The following TRPS1 variants were observed in gnomAD, a reference collection of about 807,000 sequenced individuals.
The protein encoded by TRPS1 is zinc finger transcription factor Trps1.
In TRPS1, 6 loss-of-function variants were observed where a neutral mutation model predicts 101.2. The ratio of observed to expected loss-of-function variants is 0.06; its 90% confidence interval spans 0.03 to 0.12. The LOEUF is 0.12. Among genes scored for constraint, TRPS1 ranks in the 10% least tolerant of loss-of-function variants. The pLI is 1.00. For missense variants in TRPS1, 1,363 were observed against 1,567.0 expected, an observed-to-expected ratio of 0.87 and a Z score of 2.20; for synonymous variants, 578 against 589.8, an observed-to-expected ratio of 0.98 and a Z score of 0.29.
rs1056776256 is a variant in TRPS1 at position 115,541,375 on chromosome 8, C to A, written c.2700+45626G>T. ...TCAATACACATTAATGCTTTCACCA[C>A]GAACGATAAAGAACAGGAAACTATA... On this transcript the variant is annotated intron_variant, in intron 5 of 6. Coordinates refer to ENST00000395715, the MANE Select transcript of TRPS1 (RefSeq NM_014112.5). 2.0e-5 allele frequency among the ~76,000 whole-genome samples: 3 copies of A among 152,270 alleles called. No individual in the cohort carries two copies. The East Asian group carries it at 5.8e-4, about 29-fold the overall frequency.
chr8:115,592,951 T>C (rs920476233), intron 4 of TRPS1, among the ~76,000 whole-genome samples: 8 of 152,168 alleles, frequency 5.3e-5, no homozygotes, highest in Non-Finnish European at 1.0e-4. Flanking sequence ...AATATACCTG[T>C]ATATATTCAG....
At chr8:115,500,825 G>A (rs1035689385) in intron 5 of TRPS1, among the ~76,000 whole-genome samples, 2 of 151,966 alleles carry the variant, frequency 1.3e-5, no homozygotes, top group Non-Finnish European at 2.9e-5. Flanking sequence ...TGCCCGCCTC[G>A]GCCTCCCAAA....
chr8:115,600,811 T>G (rs1817890625), intron 4 of TRPS1, among the ~76,000 whole-genome samples: 1 of 152,040 alleles, frequency 6.6e-6, no homozygotes, highest in Non-Finnish European at 1.5e-5. Context: ...ATAAGAAAAG[T>G]AGCAGTTAAT....
At position 115,418,494 on chromosome 8, in the gene TRPS1, T is replaced by G. The variant is rs745313582; in HGVS notation, c.2701-42A>C. The G allele has an allele frequency of 1.9e-6, 3 of 1,613,944 alleles. No individual in the cohort carries two copies. Among genetic ancestry groups the G allele is most frequent in the Admixed American group, 1.7e-5 (1 of 60,028 alleles). On this transcript the variant is annotated intron_variant, in intron 5 of 6. Coordinates refer to ENST00000395715, the MANE Select transcript of TRPS1 (RefSeq NM_014112.5). This position sits in a 1 kb window ranked among gnomAD's most constrained non-coding sequence, Gnocchi z 4.3. ...AAACCAAGGTCAGAGGTGAGTCACA[T>G]GATCAGTGGAGTTAGACCAAATCAA...
chr8:115,540,683 A>C (rs10092901), intron 5 of TRPS1, among the ~76,000 whole-genome samples: 40,276 of 151,596 alleles, frequency 0.27, 6,239 homozygotes, highest in Middle Eastern at 0.47. Flanking sequence ...CAGGAATTAT[A>C]TGTCAAAACA....
At chr8:115,544,872 A>C (rs962674180) in intron 5 of TRPS1, among the ~76,000 whole-genome samples, 1 of 107,856 alleles carries the variant, frequency 9.3e-6, no homozygotes, top group Non-Finnish European at 1.8e-5. Context: ...AAGAAGGTGG[A>C]GGGAAAGGAC....
intron 1 of TRPS1, 27 bp from the exon 2 acceptor site, chr8:115,623,785 T>A: frequency 7.0e-7 from 1 of 1,433,496 alleles, no homozygotes. Context: ...AAGAAAAATT[T>A]TCCTTCCTAA....
At chr8:115,478,766 T>G (rs1814673358) in intron 5 of TRPS1, among the ~76,000 whole-genome samples, 1 of 151,150 alleles carries the variant, frequency 6.6e-6, no homozygotes, top group Non-Finnish European at 1.5e-5. Context: ...ATCACGCCAC[T>G]GCACTCCAGC....
chr8:115,426,930 A>G (rs1473896288), intron 5 of TRPS1, among the ~76,000 whole-genome samples: 1 of 152,108 alleles, frequency 6.6e-6, no homozygotes, highest in Non-Finnish European at 1.5e-5. Context: ...GCATCAAAGA[A>G]CACATTCTGG....
At chr8:115,461,296 G>C (rs369574046) in intron 5 of TRPS1, among the ~76,000 whole-genome samples, 83 of 28,304 alleles carry the variant, frequency 2.9e-3, no homozygotes, top group African/African-American at 0.01. Flanking sequence ...TAGATAGATA[G>C]ATAGACAGAT....
At chr8:115,505,043 CA>C in intron 5 of TRPS1, among the ~76,000 whole-genome samples, 1 of 152,150 alleles carries the variant, frequency 6.6e-6, no homozygotes, top group South Asian at 2.1e-4. Flanking sequence ...TCACATCAAA[CA>C]AACACTCATA....
chr8:115,493,357 A>G (rs1302683841), intron 5 of TRPS1, among the ~76,000 whole-genome samples: 1 of 152,090 alleles, frequency 6.6e-6, no homozygotes. Flanking sequence ...TATTCTATGA[A>G]GCATTTATTT....
intron 5 of TRPS1, among the ~76,000 whole-genome samples, chr8:115,571,956 C>G (rs1738906996): frequency 6.6e-6 from 1 of 151,394 alleles, no homozygotes; most frequent in African/African-American, 2.4e-5. Context: ...ATATACACAC[C>G]CTACATATAT....
intron 5 of TRPS1, among the ~76,000 whole-genome samples, chr8:115,484,393 T>C (rs1226267458): frequency 1.3e-5 from 2 of 152,174 alleles, no homozygotes; most frequent in African/African-American, 2.4e-5. Flanking sequence ...CCAAATTTTA[T>C]CTGAGAGAGG....
chr8:115,554,568 G>A (rs1056727742), intron 5 of TRPS1, among the ~76,000 whole-genome samples: 1 of 152,164 alleles, frequency 6.6e-6, no homozygotes, highest in African/African-American at 2.4e-5. Context: ...GCCTCCATCA[G>A]TTATTATGCG....
At chr8:115,512,136 A>G (rs1165879080) in intron 5 of TRPS1, among the ~76,000 whole-genome samples, 1 of 151,816 alleles carries the variant, frequency 6.6e-6, no homozygotes, top group African/African-American at 2.4e-5. Flanking sequence ...TATAAAAGCT[A>G]TAAAAATTCT....
intron 5 of TRPS1, among the ~76,000 whole-genome samples, chr8:115,490,413 A>T (rs189668653): frequency 6.6e-6 from 1 of 152,240 alleles, no homozygotes; most frequent in East Asian, 1.9e-4. Context: ...ATCCATACAC[A>T]ATCTACTATA....
chr8:115,621,628 C>T (rs928070892), intron 2 of TRPS1, among the ~76,000 whole-genome samples: 7 of 152,114 alleles, frequency 4.6e-5, no homozygotes, highest in African/African-American at 1.7e-4. Context: ...TAAGAAAGTA[C>T]ACTGGGCCAA....
intron 6 of TRPS1, among the ~76,000 whole-genome samples, chr8:115,416,565 TATA>T (rs1213803635): frequency 2.4e-4 from 35 of 148,528 alleles, no homozygotes; most frequent in East Asian, 9.7e-4. Flanking sequence ...ATAAACATGT[TATA>T]ATAATATAAA....
Sources: allele counts gnomAD v4.1 joint callset (sites outside exome capture counted in the v4.1 genomes callset), GRCh38; gene constraint gnomAD v4.1.1; non-coding constraint Gnocchi (gnomAD v3.1); transcripts MANE v1.5; gene names NCBI Gene and HGNC (gene_info 2026-07-23, HGNC 2026-07-21).